Variants in F10 observed in about 807,000 individuals in gnomAD.
F10 encodes the protein coagulation factor X, also known as Stuart-Prower factor.
F10 carries 29 observed loss-of-function variants against 37.1 expected under a neutral mutation model. The ratio of observed to expected loss-of-function variants is 0.78; its 90% CI spans 0.58 to 1.07. F10 has a LOEUF of 1.07. Ranked by LOEUF, F10 falls within the 50% of genes least tolerant of loss-of-function variation. F10 has a pLI of 0.00. For synonymous variants in F10, 262 were observed against 268.6 expected (o/e 0.98, Z 0.24); for missense variants, 539 against 667.9 (o/e 0.81, Z 2.13).
intron 3 of F10, 29 bp downstream of exon 3, chr13:113,138,510 G>A (rs765808995): frequency 1.2e-5 from 16 of 1,349,810 alleles, no homozygotes; most frequent in Admixed American, 1.7e-5. Context: ...TTAACCTTCA[G>A]TGAGAGGGGT....
rs768159816 is a variant in F10, at chr13:113,149,526, T to C, written c.*9T>C. 4 of 1,612,942 alleles carry C rather than the reference T, an allele frequency of 2.5e-6. No homozygotes were observed. The Admixed American group carries it at 6.7e-5, about 27-fold the overall frequency. On this transcript the variant is annotated 3_prime_UTR_variant, in exon 8 of 8. Transcript: ENST00000375559. The surrounding 1 kb of genome is among the most constrained non-coding windows in gnomAD (Gnocchi z 7.5). ...CCTCTCCATTAAAGTGAGATCCCACTCAAGGCCTGGTTTGTCTCTCGATTG... is the reference window on the plus strand; with the variant it reads ...CCTCTCCATTAAAGTGAGATCCCACCCAAGGCCTGGTTTGTCTCTCGATTG...
intron 4 of F10, among the ~76,000 whole-genome samples, chr13:113,140,222 G>A (rs984280686): frequency 8.6e-5 from 13 of 151,828 alleles, no homozygotes; most frequent in East Asian, 3.9e-4. Flanking sequence ...TATAGGCCCC[G>A]GCCACCAGTC....
At position 113,141,081 on chromosome 13, in the gene F10, C is replaced by T. The variant is rs749537250; in HGVS notation, c.502+31C>T. Reference sequence around the variant, plus strand: ...AGGCACGTTGGGCCACAGCCACCCGCTGCCGCTGGGCCGGGCCAGGGAGGA... The same window carrying T: ...AGGCACGTTGGGCCACAGCCACCCGTTGCCGCTGGGCCGGGCCAGGGAGGA... On this transcript the variant is annotated intron_variant, in intron 5 of 7. Coordinates refer to ENST00000375559, the MANE Select transcript of F10 (RefSeq NM_000504.4). This position sits in a 1 kb window ranked among gnomAD's most constrained non-coding sequence, Gnocchi z 5.4. 2 of 1,611,810 alleles carry T rather than the reference C, an allele frequency of 1.2e-6. No homozygotes were observed. Among genetic ancestry groups the T allele is most frequent in the Non-Finnish European group, 1.7e-6 (2 of 1,179,776 alleles).
At chr13:113,124,147 G>A (rs535340335) in intron 1 of F10, among the ~76,000 whole-genome samples, 1 of 150,890 alleles carries the variant, frequency 6.6e-6, no homozygotes, top group African/African-American at 2.5e-5. Flanking sequence ...CCGGCCCGGG[G>A]CTCCCGAGGC....
chr13:113,148,952 C>T lies in F10; in HGVS notation c.902C>T (p.Ala301Val), dbSNP rs145282353. ...RNTEQEEGGE[A>V]VHEVEVVIKH... is the part of the protein sequence containing the mutation. ...ACGGAGCAGGAGGAGGGCGGTGAGG[C>T]GGTGCACGAGGTGGAGGTGGTCATC... Residue 301 changes from alanine to valine, a missense_variant, in exon 8 of 8, where the codon GCG becomes GTG. This residue lies in a region of F10 where 409 missense variants were observed against 547.9 expected (regional missense o/e 0.75). Coordinates refer to ENST00000375559, the MANE Select transcript of F10 (RefSeq NM_000504.4). 22 of 1,613,416 alleles carry T rather than the reference C, an allele frequency of 1.4e-5. No homozygotes were observed. The highest frequency in any genetic ancestry group is 1.6e-4 in the Middle Eastern group (1 of 6,062).
chr13:113,139,343 T>C lies in F10; in HGVS notation c.257-14T>C. 3.1e-6 allele frequency: 5 copies of C among 1,611,520 alleles called. No individual in the cohort carries two copies. The highest frequency in any genetic ancestry group is 4.2e-6 in the Non-Finnish European group (5 of 1,177,914). On this transcript the variant is annotated splice_polypyrimidine_tract_variant and intron_variant, in intron 3 of 7. Transcript: ENST00000375559. This position sits in a 1 kb window ranked among gnomAD's most constrained non-coding sequence, Gnocchi z 5.2. ...CAGCTTGCAGACTCCAGTTTCGAAA[T>C]CCTCTCTTTGCAGATGGCGACCAGT...
chr13:113,144,170 G>T lies in F10; in HGVS notation c.747+75G>T. 1 of 1,602,712 alleles carries T rather than the reference G, an allele frequency of 6.2e-7. No individual in the cohort carries two copies. Among genetic ancestry groups the T allele is most frequent in the Non-Finnish European group, 8.5e-7 (1 of 1,175,706 alleles). The stretch of plus-strand genomic sequence containing the variant: ...CTGTGCACCTCGGGGAGGCCAGCCT[G>T]ACACTTGGAATAGCAATCCGGGAAG... On this transcript the variant is annotated intron_variant, in intron 6 of 7. Coordinates refer to ENST00000375559, the MANE Select transcript of F10 (RefSeq NM_000504.4). This position sits in a 1 kb window ranked among gnomAD's most constrained non-coding sequence, Gnocchi z 6.4.
intron 3 of F10, among the ~76,000 whole-genome samples, chr13:113,138,687 G>GAT (rs1459710222): frequency 1.3e-5 from 2 of 152,160 alleles, no homozygotes; most frequent in Non-Finnish European, 2.9e-5. Flanking sequence ...TTGAGTTAGA[G>GAT]ATATATATTT....
At chr13:113,130,424 A>C (rs1284159640) in intron 2 of F10, 1 of 152,748 alleles carries the variant, frequency 6.5e-6, no homozygotes, top group Non-Finnish European at 1.5e-5. Context: ...AGGTGCCTGC[A>C]GGACAGGGCT....
In F10 at chr13:113,149,523, C is replaced by T; in HGVS notation, c.*6C>T. The T allele has an allele frequency of 6.2e-7, 1 of 1,613,010 alleles. No homozygotes were observed. The highest frequency in any genetic ancestry group is 8.5e-7 in the Non-Finnish European group (1 of 1,180,048). ...CGTCCTCTCCATTAAAGTGAGATCC[C>T]ACTCAAGGCCTGGTTTGTCTCTCGA... On this transcript the variant is annotated 3_prime_UTR_variant, in exon 8 of 8. Transcript: ENST00000375559. The surrounding 1 kb of genome is among the most constrained non-coding windows in gnomAD (Gnocchi z 7.5).
Position 113,144,167 on chromosome 13 carries a change from C to T in F10, c.747+72C>T. On this transcript the variant is annotated intron_variant, in intron 6 of 7. Coordinates refer to ENST00000375559, the MANE Select transcript of F10 (RefSeq NM_000504.4). The surrounding 1 kb of genome is among the most constrained non-coding windows in gnomAD (Gnocchi z 6.4). ...CCGCTGTGCACCTCGGGGAGGCCAG[C>T]CTGACACTTGGAATAGCAATCCGGG... The T allele has an allele frequency of 6.2e-7, 1 of 1,603,694 alleles. No individual in the cohort carries two copies. Among genetic ancestry groups the T allele is most frequent in the Non-Finnish European group, 8.5e-7 (1 of 1,175,970 alleles).
At chr13:113,127,906 C>T (rs1310715078) in intron 1 of F10, among the ~76,000 whole-genome samples, 1 of 151,976 alleles carries the variant, frequency 6.6e-6, no homozygotes, top group Non-Finnish European at 1.5e-5. Flanking sequence ...CTGAAAGCAC[C>T]CTAGGGAGGG....
In F10 at chr13:113,144,184, C is replaced by T; in HGVS notation, c.747+89C>T. ...GAGGCCAGCCTGACACTTGGAATAG[C>T]AATCCGGGAAGGAACTGTTCCGAAC... On this transcript the variant is annotated intron_variant, in intron 6 of 7. Transcript: ENST00000375559. The surrounding 1 kb of genome is among the most constrained non-coding windows in gnomAD (Gnocchi z 6.4). 1.9e-6 allele frequency: 3 copies of T among 1,586,538 alleles called. 1 individual carries two copies. Among genetic ancestry groups the T allele is most frequent in the Non-Finnish European group, 8.6e-7 (1 of 1,164,670 alleles).
At position 113,146,045 on chromosome 13, in the gene F10, T is replaced by C. The variant is rs2036579953; in HGVS notation, c.748-1334T>C. Among the ~76,000 whole-genome samples, 1 of 152,070 alleles carries C rather than the reference T, an allele frequency of 6.6e-6. No individual in the cohort carries two copies. The highest frequency in any genetic ancestry group is 2.1e-4 in the South Asian group (1 of 4,824). ...AATCTCAGAGCTGCCAGCGCCCCCA[T>C]GAATTCCCCCAGGTCTTCCCCCACC... On this transcript the variant is annotated intron_variant, in intron 6 of 7. Transcript: ENST00000375559. The surrounding 1 kb of genome is among the most constrained non-coding windows in gnomAD (Gnocchi z 4.5).
At chr13:113,134,967 G>A (rs566791772) in intron 2 of F10, among the ~76,000 whole-genome samples, 57 of 152,252 alleles carry the variant, frequency 3.7e-4, no homozygotes, top group Admixed American at 2.3e-3. Context: ...TCGGCCGGGC[G>A]CGGTGGCTCA....
chr13:113,126,033 G>T (rs1158282187), intron 1 of F10, among the ~76,000 whole-genome samples: 1 of 152,176 alleles, frequency 6.6e-6, no homozygotes, highest in Admixed American at 6.5e-5. Context: ...AGACAGGGAG[G>T]TGACTGGTGC....
At chr13:113,140,784 C>T in intron 4 of F10, 135 bp from the exon 5 acceptor site, 3 of 1,353,142 alleles carry the variant, frequency 2.2e-6, no homozygotes, top group Non-Finnish European at 3.2e-6. Flanking sequence ...GTACCTGTCG[C>T]CTGGCTCTGG....
In F10 at chr13:113,139,531, G is replaced by A. The variant is rs956867279; in HGVS notation, c.370+61G>A. ...TGCCCCTGAAGAGTGGCAGGTGGGCGGGGGAAGAAGTGAAAACGCCTAATG... is the reference window on the plus strand; with the variant it reads ...TGCCCCTGAAGAGTGGCAGGTGGGCAGGGGAAGAAGTGAAAACGCCTAATG... On this transcript the variant is annotated intron_variant, in intron 4 of 7. Transcript: ENST00000375559. The surrounding 1 kb of genome is among the most constrained non-coding windows in gnomAD (Gnocchi z 5.2). 1.6e-5 allele frequency: 22 copies of A among 1,335,844 alleles called. No individual in the cohort carries two copies. Among genetic ancestry groups the A allele is most frequent in the South Asian group, 1.2e-4 (10 of 84,744 alleles). 82.7% of individuals were successfully genotyped at this position (1,335,844 alleles called of 1,614,324 possible).
Position 113,143,705 on chromosome 13 carries a change from G to T in F10, c.503-146G>T. On this transcript the variant is annotated intron_variant, in intron 5 of 7. Coordinates refer to ENST00000375559, the MANE Select transcript of F10 (RefSeq NM_000504.4). This position sits in a 1 kb window ranked among gnomAD's most constrained non-coding sequence, Gnocchi z 6.8. ...GATCCGACCCCTGCCGACGACGTGG[G>T]GCCTCGCCCTGCAAGCCCGCTGCCC... 34 of 1,193,516 alleles carry T rather than the reference G, an allele frequency of 2.8e-5. No homozygotes were observed. Among genetic ancestry groups the T allele is most frequent in the South Asian group, 1.8e-4 (11 of 60,080 alleles). The allele number at this position is 1,193,516 out of a possible 1,614,324, so 73.9% of individuals were successfully genotyped here.
Sources: gnomAD v4.1 joint callset for allele counts (sites outside exome capture counted in the v4.1 genomes callset) on GRCh38, gnomAD v4.1.1 for gene constraint, gnomAD v4.1.1 regional missense constraint, Gnocchi (gnomAD v3.1) non-coding constraint, MANE v1.5 for transcripts, NCBI Gene and HGNC (gene_info 2026-07-23, HGNC 2026-07-21) for gene names.